Variants in ABTB3 observed in about 807,000 individuals in gnomAD.
ABTB3 encodes the protein ankyrin repeat- and BTB/POZ domain-containing protein 3.
the ABTB3 span, among the ~76,000 whole-genome samples, chr12:107,501,776 T>C: frequency 6.6e-6 from 1 of 152,050 alleles, no homozygotes; most frequent in Non-Finnish European, 1.5e-5. Context: ...CAGGCACATG[T>C]CTGGGATCAA....
At chr12:107,326,042 AT>A in the ABTB3 span, among the ~76,000 whole-genome samples, 1 of 152,122 alleles carries the variant, frequency 6.6e-6, no homozygotes, top group African/African-American at 2.4e-5. Context: ...AGTAACTGGG[AT>A]TACAGGCATG....
At chr12:107,369,552 C>CA in the ABTB3 span, among the ~76,000 whole-genome samples, 1 of 151,750 alleles carries the variant, frequency 6.6e-6, no homozygotes, top group Non-Finnish European at 1.5e-5. Context: ...CACCCACCAC[C>CA]ACACCCAGCT....
At chr12:107,610,123 G>C in the ABTB3 span, 1 of 1,587,432 alleles carries the variant, frequency 6.3e-7, no homozygotes, top group Non-Finnish European at 8.6e-7. Flanking sequence ...GGTGCTTCCT[G>C]CGGAGTTTGC....
the ABTB3 span, among the ~76,000 whole-genome samples, chr12:107,393,163 A>C: frequency 5.3e-3 from 812 of 152,320 alleles, 9 homozygotes; most frequent in African/African-American, 0.019. Flanking sequence ...GGGGGTGATC[A>C]GTCAGGGACG....
At chr12:107,611,317 A>G in the ABTB3 span, among the ~76,000 whole-genome samples, 3 of 152,134 alleles carry the variant, frequency 2.0e-5, no homozygotes, top group South Asian at 6.2e-4. Flanking sequence ...AGGAGCTGGG[A>G]CTACAGGTGT....
At chr12:107,617,563 G>T in the ABTB3 span, 35 of 1,307,132 alleles carry the variant, frequency 2.7e-5, no homozygotes, top group South Asian at 4.3e-4. Flanking sequence ...AGTGGTCCAG[G>T]CCCCAGGTCT....
the ABTB3 span, among the ~76,000 whole-genome samples, chr12:107,361,779 C>T: frequency 6.6e-6 from 1 of 152,088 alleles, no homozygotes. Context: ...TGGCTGCTAT[C>T]GATTGGAGGT....
At chr12:107,557,632 A>G in the ABTB3 span, among the ~76,000 whole-genome samples, 24 of 152,254 alleles carry the variant, frequency 1.6e-4, no homozygotes, top group Non-Finnish European at 7.3e-5. Flanking sequence ...TATAAGCACA[A>G]TAATAGTGAG....
the ABTB3 span, among the ~76,000 whole-genome samples, chr12:107,639,903 G>C: frequency 6.6e-6 from 1 of 152,206 alleles, no homozygotes; most frequent in African/African-American, 2.4e-5. Context: ...GACCCTGATA[G>C]GGAAAGGCTT....
At chr12:107,586,538 C>A in the ABTB3 span, among the ~76,000 whole-genome samples, 2 of 152,220 alleles carry the variant, frequency 1.3e-5, no homozygotes, top group African/African-American at 4.8e-5. Flanking sequence ...ACATCACACT[C>A]CATGCCACGG....
At chr12:107,543,338 CAAAAAAAAA>C in the ABTB3 span, among the ~76,000 whole-genome samples, 5 of 78,074 alleles carry the variant, frequency 6.4e-5, no homozygotes, top group African/African-American at 2.4e-4. Context: ...GACTCCATCT[CAAAAAAAAA>C]AAAAAAAAAA....
At chr12:107,468,664 A>G in the ABTB3 span, among the ~76,000 whole-genome samples, 1 of 152,196 alleles carries the variant, frequency 6.6e-6, no homozygotes, top group Non-Finnish European at 1.5e-5. Context: ...ACAAGTATTT[A>G]TTGAGCACCT....
At chr12:107,351,742 G>A in the ABTB3 span, among the ~76,000 whole-genome samples, 1 of 152,134 alleles carries the variant, frequency 6.6e-6, no homozygotes, top group Non-Finnish European at 1.5e-5. Flanking sequence ...AGAACAATGA[G>A]CCAAATAAAT....
the ABTB3 span, chr12:107,520,540 A>C: frequency 6.2e-7 from 1 of 1,614,214 alleles, no homozygotes; most frequent in Admixed American, 1.7e-5. Flanking sequence ...ACAGCGGTCA[A>C]ACAAGCCAGG....
At chr12:107,553,967 A>G in the ABTB3 span, among the ~76,000 whole-genome samples, 1 of 152,148 alleles carries the variant, frequency 6.6e-6, no homozygotes, top group Admixed American at 6.5e-5. Flanking sequence ...GGAATTCAGA[A>G]GACTCAGAAA....
At chr12:107,343,655 A>G in the ABTB3 span, among the ~76,000 whole-genome samples, 14 of 152,308 alleles carry the variant, frequency 9.2e-5, no homozygotes, top group East Asian at 2.5e-3. Flanking sequence ...TCACACCACT[A>G]TAAAGAAATG....
chr12:107,632,668 C>T, the ABTB3 span, among the ~76,000 whole-genome samples: 1 of 152,184 alleles, frequency 6.6e-6, no homozygotes, highest in Non-Finnish European at 1.5e-5. Flanking sequence ...AATCTGGGTG[C>T]AGTGTGACCC....
the ABTB3 span, among the ~76,000 whole-genome samples, chr12:107,354,769 T>C: frequency 3.3e-5 from 5 of 152,190 alleles, no homozygotes; most frequent in African/African-American, 9.7e-5. Flanking sequence ...CTTGTTATTA[T>C]CTGTATTTTT....
the ABTB3 span, among the ~76,000 whole-genome samples, chr12:107,456,172 G>A: frequency 1.4e-4 from 21 of 152,262 alleles, no homozygotes; most frequent in South Asian, 1.2e-3. Flanking sequence ...CAGCTTACCC[G>A]CTGAAGGAGT....
Sources: gnomAD v4.1 joint callset for allele counts (sites outside exome capture counted in the v4.1 genomes callset) on GRCh38, gnomAD v4.1.1 for gene constraint, MANE v1.5 for transcripts, NCBI Gene and HGNC (gene_info 2026-07-23, HGNC 2026-07-21) for gene names.